The following WNT3 variants were observed in gnomAD, a reference collection of about 807,000 sequenced individuals.
WNT3 encodes the protein proto-oncogene Wnt-3.
Under a neutral mutation model 34.2 loss-of-function variants are expected in WNT3, and 7 were observed. The observed-to-expected ratio is 0.20, with a 90% CI of 0.12 to 0.38. The LOEUF (loss-of-function observed/expected upper bound fraction) is 0.38, where lower values mean the gene tolerates loss of function less well. Ranked by LOEUF, WNT3 falls within the 10% of genes least tolerant of loss-of-function variation. WNT3 has a pLI of 1.00. For missense variants in WNT3, 267 were observed against 499.8 expected, an observed-to-expected ratio of 0.53 and a Z score of 4.44; for synonymous variants, 212 against 211.5, an observed-to-expected ratio of 1.00 and a Z score of -0.02.
chr17:46,807,829 A>G (rs1263986298), intron 1 of WNT3, among the ~76,000 whole-genome samples: 1 of 152,242 alleles, frequency 6.6e-6, no homozygotes. Flanking sequence ...ATGTGGCTTC[A>G]GGTGGACCTC....
At chr17:46,774,526 T>C (rs558520210) in intron 1 of WNT3, among the ~76,000 whole-genome samples, 27 of 152,338 alleles carry the variant, frequency 1.8e-4, no homozygotes, top group Non-Finnish European at 2.9e-4. Flanking sequence ...TAGAAGTTTC[T>C]AGAGCTCCAC....
chr17:46,769,315 C>CAAA (rs60504646), intron 3 of WNT3, among the ~76,000 whole-genome samples: 26 of 102,820 alleles, frequency 2.5e-4, no homozygotes, highest in African/African-American at 7.9e-4. Context: ...GACTCCGTCT[C>CAAA]AAAAAAAAAA....
At position 46,795,150 on chromosome 17, in the gene WNT3, G is replaced by A. The variant is rs571255604; in HGVS notation, c.81-21241C>T. On this transcript the variant is annotated intron_variant, in intron 1 of 4. Transcript: ENST00000225512. ...ATTTTGGCCCTCATTTCCCACCCTCGGGTGCTGAGGGAATTGTTCCCTACC... is the reference window on the plus strand; with the variant it reads ...ATTTTGGCCCTCATTTCCCACCCTCAGGTGCTGAGGGAATTGTTCCCTACC... Among the ~76,000 whole-genome samples, 23 of 152,094 alleles carry A rather than the reference G, an allele frequency of 1.5e-4. 1 individual carries two copies. In the South Asian group the frequency reaches 3.7e-3, roughly 25 times the overall value.
At chr17:46,789,770 A>G (rs1484781370) in intron 1 of WNT3, among the ~76,000 whole-genome samples, 1 of 152,204 alleles carries the variant, frequency 6.6e-6, no homozygotes, top group African/African-American at 2.4e-5. Context: ...TTGGACCTCC[A>G]GCTGGGCCTG....
intron 1 of WNT3, among the ~76,000 whole-genome samples, chr17:46,774,272 G>A (rs945106058): frequency 2.0e-5 from 3 of 152,254 alleles, no homozygotes; most frequent in African/African-American, 7.2e-5. Context: ...GATGGGCATT[G>A]AAGAGATCAG....
intron 1 of WNT3, among the ~76,000 whole-genome samples, chr17:46,775,332 T>A (rs2059404501): frequency 6.6e-6 from 1 of 152,174 alleles, no homozygotes; most frequent in Admixed American, 6.5e-5. Flanking sequence ...GGGTCCCTCC[T>A]CCATACTTGA....
At chr17:46,771,060 C>G (rs1463904707) in intron 2 of WNT3, among the ~76,000 whole-genome samples, 2 of 152,220 alleles carry the variant, frequency 1.3e-5, no homozygotes, top group African/African-American at 4.8e-5. Context: ...CCCGCCTCCC[C>G]TCCTGGGCTG....
Position 46,762,586 on chromosome 17 carries a change from A to G in WNT3, c.*2044T>C, listed in dbSNP as rs1307031076. ...AAATATATTTTCTCCAAATATATAT[A>G]TATTTATATAATATATAATCTTAGT... On this transcript the variant is annotated 3_prime_UTR_variant, in exon 5 of 5. Transcript: ENST00000225512. The G allele has an allele frequency of 6.6e-6, 1 of 150,698 alleles. No homozygotes were observed. The highest frequency in any genetic ancestry group is 1.5e-5 in the Non-Finnish European group (1 of 67,762). The allele number at this position is 150,698 out of a possible 1,614,324, so 9.3% of individuals were successfully genotyped here.
At chr17:46,789,358 T>C (rs2083950345) in intron 1 of WNT3, among the ~76,000 whole-genome samples, 1 of 152,154 alleles carries the variant, frequency 6.6e-6, no homozygotes, top group Non-Finnish European at 1.5e-5. Context: ...GGCTATACAC[T>C]ACGGCAGATC....
chr17:46,799,895 A>T (rs2084102200), intron 1 of WNT3, among the ~76,000 whole-genome samples: 1 of 152,138 alleles, frequency 6.6e-6, no homozygotes, highest in African/African-American at 2.4e-5. Flanking sequence ...GACATCTGGG[A>T]TTTGCACCAC....
intron 1 of WNT3, among the ~76,000 whole-genome samples, chr17:46,784,983 T>C (rs993045543): frequency 2.2e-4 from 33 of 152,226 alleles, no homozygotes; most frequent in Admixed American, 7.2e-4. Context: ...TTCACTGTGT[T>C]AGCCAGGATG....
chr17:46,781,753 T>A (rs2059463074), intron 1 of WNT3, among the ~76,000 whole-genome samples: 3 of 152,144 alleles, frequency 2.0e-5, no homozygotes, highest in African/African-American at 4.8e-5. Context: ...GGAGGGATGG[T>A]GCTTGCATCC....
intron 1 of WNT3, among the ~76,000 whole-genome samples, chr17:46,814,067 C>G (rs781605201): frequency 6.6e-6 from 1 of 152,186 alleles, no homozygotes; most frequent in Non-Finnish European, 1.5e-5. Context: ...TTGACCTCAT[C>G]GCCAAAGGTC....
chr17:46,806,527 A>G (rs2084199879), intron 1 of WNT3, among the ~76,000 whole-genome samples: 1 of 152,080 alleles, frequency 6.6e-6, no homozygotes, highest in Non-Finnish European at 1.5e-5. Context: ...GTTTTCTCAC[A>G]GGTAACATGG....
chr17:46,801,556 G>T (rs1432605133), intron 1 of WNT3, among the ~76,000 whole-genome samples: 1 of 152,168 alleles, frequency 6.6e-6, no homozygotes, highest in African/African-American at 2.4e-5. Context: ...GGAGGCGGAG[G>T]CTGCAGTGAG....
intron 1 of WNT3, among the ~76,000 whole-genome samples, chr17:46,811,322 A>G (rs1028689221): frequency 1.3e-5 from 2 of 152,128 alleles, no homozygotes; most frequent in Non-Finnish European, 2.9e-5. Flanking sequence ...GCAGGTATGG[A>G]AACAGAATGG....
intron 1 of WNT3, among the ~76,000 whole-genome samples, chr17:46,775,770 C>T (rs1375071995): frequency 4.6e-5 from 7 of 151,864 alleles, no homozygotes; most frequent in African/African-American, 7.3e-5. Context: ...CCCACCACCA[C>T]GCCCGGCTAA....
chr17:46,763,279 C>T lies in WNT3; in HGVS notation c.*1351G>A, dbSNP rs1486892088. The T allele has an allele frequency of 6.6e-6, 1 of 152,252 alleles. No individual in the cohort carries two copies. The highest frequency in any genetic ancestry group is 1.5e-5 in the Non-Finnish European group (1 of 68,080). The allele number at this position is 152,252 out of a possible 1,614,324, so 9.4% of individuals were successfully genotyped here. ...CAATTCATACTGTGAAATCCATGTG[C>T]CTCCCTTTTGCTAGCTTTCTCTAGG... On this transcript the variant is annotated 3_prime_UTR_variant, in exon 5 of 5. Transcript: ENST00000225512.
intron 1 of WNT3, among the ~76,000 whole-genome samples, chr17:46,798,810 G>A (rs1035161108): frequency 1.2e-4 from 18 of 152,210 alleles, no homozygotes; most frequent in Admixed American, 3.3e-4. Flanking sequence ...AGCACTTTGG[G>A]AGGCCAAGGC....
Sources: gnomAD v4.1 joint callset for allele counts (sites outside exome capture counted in the v4.1 genomes callset) on GRCh38, gnomAD v4.1.1 for gene constraint, MANE v1.5 for transcripts, NCBI Gene and HGNC (gene_info 2026-07-23, HGNC 2026-07-21) for gene names.